Variants in LARGE1 observed in about 807,000 individuals in gnomAD.
LARGE1 encodes LARGE xylosyl- and glucuronyltransferase 1.
Under a neutral mutation model 87.6 loss-of-function variants are expected in LARGE1, and 43 were observed. The observed-to-expected ratio is 0.49, with a 90% CI of 0.38 to 0.63. The LOEUF is 0.63. LARGE1 is among the 30% of genes least tolerant of loss of function. The pLI is 0.00. For synonymous variants in LARGE1, 434 were observed against 394.6 expected, an observed-to-expected ratio of 1.10 and a Z score of -1.18; for missense variants, 802 against 1,000.2, an observed-to-expected ratio of 0.80 and a Z score of 2.67.
intron 1 of LARGE1, among the ~76,000 whole-genome samples, chr22:33,810,135 T>TTATAAAAC (rs1373320649): frequency 2.0e-5 from 3 of 152,292 alleles, no homozygotes; most frequent in Admixed American, 6.5e-5. Context: ...TATGACAAAA[T>TTATAAAAC]TATAAAACTT....
intron 11 of LARGE1, among the ~76,000 whole-genome samples, chr22:33,168,718 C>T (rs190843934): frequency 1.1e-4 from 16 of 152,258 alleles, no homozygotes; most frequent in African/African-American, 3.4e-4. Flanking sequence ...TTTCCCATTA[C>T]CCTTATTTTG....
chr22:33,809,466 A>G (rs2086422964), intron 1 of LARGE1, among the ~76,000 whole-genome samples: 1 of 152,220 alleles, frequency 6.6e-6, no homozygotes, highest in African/African-American at 2.4e-5. Context: ...TGCATAGCAC[A>G]TAGGAAGTTG....
the LARGE1 span, among the ~76,000 whole-genome samples, chr22:33,146,204 T>A: frequency 2.0e-5 from 3 of 152,174 alleles, no homozygotes; most frequent in Non-Finnish European, 2.9e-5. Context: ...CACAATTGCA[T>A]GGGTGGTGGT....
intron 1 of LARGE1, among the ~76,000 whole-genome samples, chr22:33,765,190 TG>T (rs1297763471): frequency 6.6e-6 from 1 of 151,340 alleles, no homozygotes; most frequent in Non-Finnish European, 1.5e-5. Flanking sequence ...ATTAATTAAC[TG>T]GCCAAGGATT....
intron 3 of LARGE1, among the ~76,000 whole-genome samples, chr22:33,641,078 C>T (rs2080415191): frequency 6.6e-6 from 1 of 151,202 alleles, no homozygotes; most frequent in South Asian, 2.1e-4. Flanking sequence ...AAGGGATAGA[C>T]TCCGCCTCCT....
At chr22:33,791,591 A>G (rs1402036787) in intron 1 of LARGE1, among the ~76,000 whole-genome samples, 3 of 152,350 alleles carry the variant, frequency 2.0e-5, no homozygotes, top group African/African-American at 7.2e-5. Flanking sequence ...ATTCATTTGT[A>G]TGGAATATCT....
chr22:33,466,635 T>C (rs1003309409), intron 6 of LARGE1, among the ~76,000 whole-genome samples: 1 of 151,882 alleles, frequency 6.6e-6, no homozygotes, highest in Non-Finnish European at 1.5e-5. Context: ...AGAACACTTC[T>C]GTTGTAGAAA....
At chr22:33,548,493 G>T (rs1244934944) in intron 6 of LARGE1, among the ~76,000 whole-genome samples, 1 of 151,932 alleles carries the variant, frequency 6.6e-6, no homozygotes, top group Non-Finnish European at 1.5e-5. Flanking sequence ...TCTGCTCACT[G>T]CAATCTCCAC....
intron 5 of LARGE1, among the ~76,000 whole-genome samples, chr22:33,572,794 C>T (rs1241481128): frequency 7.2e-5 from 11 of 152,008 alleles, no homozygotes; most frequent in East Asian, 1.9e-4. Context: ...CCCTTGAGCC[C>T]GGGAGGTGGA....
At chr22:33,099,943 A>G in the LARGE1 span, among the ~76,000 whole-genome samples, 3 of 152,216 alleles carry the variant, frequency 2.0e-5, no homozygotes, top group Admixed American at 6.5e-5. Flanking sequence ...AAAACTTTAC[A>G]GAGATTATTG....
intron 6 of LARGE1, among the ~76,000 whole-genome samples, chr22:33,459,255 T>C (rs919896245): frequency 1.3e-5 from 2 of 152,106 alleles, no homozygotes; most frequent in Non-Finnish European, 1.5e-5. Flanking sequence ...GGCAGTGAAA[T>C]CCTTGTCATG....
the LARGE1 span, among the ~76,000 whole-genome samples, chr22:33,096,168 C>A: frequency 6.6e-6 from 1 of 152,138 alleles, no homozygotes; most frequent in South Asian, 2.1e-4. Context: ...GTAATCCCAG[C>A]ACTTTGGGAG....
rs370150198 is a variant in LARGE1 at position 33,264,657 on chromosome 22, T to TCAAAA, written c.1730+39567_1730+39571dup. Among the ~76,000 whole-genome samples, 373 of 152,198 alleles carry TCAAAA rather than the reference T, an allele frequency of 2.5e-3. 5 individuals are homozygous for TCAAAA. Among genetic ancestry groups the TCAAAA allele is most frequent in the African/African-American group, 7.5e-3 (313 of 41,536 alleles). ...CCGAGCGACAGAGTGAGACTTCATA[T>TCAAAA]CAAAACAAAACAAAACAAAACAAAA... On this transcript the variant is annotated intron_variant, in intron 11 of 11. Transcript: ENST00000608642.
chr22:33,382,699 G>A (rs757926262), intron 8 of LARGE1, among the ~76,000 whole-genome samples: 1 of 152,122 alleles, frequency 6.6e-6, no homozygotes, highest in South Asian at 2.1e-4. Context: ...GGCGCCGGGA[G>A]GTGAATTATG....
the LARGE1 span, among the ~76,000 whole-genome samples, chr22:33,155,147 C>T: frequency 6.6e-6 from 1 of 152,046 alleles, no homozygotes; most frequent in African/African-American, 2.4e-5. Context: ...AGAAAATGGA[C>T]TAATACAGTA....
At chr22:33,784,500 C>T (rs2085533751) in intron 1 of LARGE1, among the ~76,000 whole-genome samples, 1 of 152,082 alleles carries the variant, frequency 6.6e-6, no homozygotes, top group Non-Finnish European at 1.5e-5. Flanking sequence ...TAACTTCTCG[C>T]TTAAATTTGA....
chr22:33,134,199 TG>T, the LARGE1 span, among the ~76,000 whole-genome samples: 1 of 151,796 alleles, frequency 6.6e-6, no homozygotes, highest in Admixed American at 6.6e-5. Context: ...AATGATCTTG[TG>T]CCAGTACAGG....
intron 1 of LARGE1, among the ~76,000 whole-genome samples, chr22:33,847,673 CCA>C (rs550697200): frequency 6.6e-5 from 10 of 152,214 alleles, no homozygotes; most frequent in Admixed American, 1.3e-4. Flanking sequence ...AAGGACTCCA[CCA>C]GATGTACTAC....
intron 6 of LARGE1, among the ~76,000 whole-genome samples, chr22:33,557,742 T>C (rs2148737433): frequency 6.6e-6 from 1 of 152,248 alleles, no homozygotes; most frequent in Non-Finnish European, 1.5e-5. Context: ...ATTTTTTATA[T>C]TTTTAGTAGA....
Sources: allele counts gnomAD v4.1 joint callset (sites outside exome capture counted in the v4.1 genomes callset), GRCh38; gene constraint gnomAD v4.1.1; transcripts MANE v1.5; gene names NCBI Gene and HGNC (gene_info 2026-07-23, HGNC 2026-07-21).